The following SLC36A1 variants were observed in gnomAD, a reference collection of about 807,000 sequenced individuals.
SLC36A1 encodes solute carrier family 36 member 1, also known as proton-coupled amino acid transporter 1.
SLC36A1 carries 30 observed loss-of-function variants against 47.5 expected under a neutral mutation model. The observed-to-expected ratio is 0.63, with a 90% CI of 0.47 to 0.86. SLC36A1 has a LOEUF of 0.86. Among genes scored for constraint, SLC36A1 ranks in the 40% least tolerant of loss-of-function variants. The probability of loss-of-function intolerance (pLI) is 0.00; values close to 1 mark genes in which losing one functional copy is unlikely to be tolerated. For synonymous variants in SLC36A1, 255 were observed against 249.7 expected, an observed-to-expected ratio of 1.02 and a Z score of -0.20; for missense variants, 517 against 606.0, an observed-to-expected ratio of 0.85 and a Z score of 1.54.
intron 8 of SLC36A1, among the ~76,000 whole-genome samples, chr5:151,474,180 G>A (rs374017917): frequency 0.021 from 1,505 of 72,144 alleles, 6 homozygotes; most frequent in African/African-American, 0.1. Context: ...AAAAAAAAAA[G>A]AAATTATCTT....
At chr5:151,545,616 T>C in the SLC36A1 span, 7 of 1,614,012 alleles carry the variant, frequency 4.3e-6, no homozygotes, top group Non-Finnish European at 5.9e-6. Context: ...AGACACAGAA[T>C]TGGAAAGAGG....
chr5:151,433,758 T>C (rs757699697), upstream of SLC36A1, among the ~76,000 whole-genome samples: 24 of 152,040 alleles, frequency 1.6e-4, no homozygotes, highest in Admixed American at 3.3e-4. Flanking sequence ...CCCAGTGAAG[T>C]TGAGCTTTAA....
Position 151,464,721 on chromosome 5 carries a change from C to T in SLC36A1, c.323+119C>T, listed in dbSNP as rs375635813. The T allele has an allele frequency of 4.5e-5, 38 of 847,166 alleles. No homozygotes were observed. In the East Asian group the frequency reaches 4.7e-4, roughly 10 times the overall value. The allele number at this position is 847,166 out of a possible 1,614,324, so 52.5% of individuals were successfully genotyped here. ...AATTCTTTACACTGGCTGGAGGTAG[C>T]AGCTTATGATTGCAGCGTTTTCCTT... On this transcript the variant is annotated intron_variant, in intron 4 of 10. Transcript: ENST00000243389.
At chr5:151,382,841 G>T in the SLC36A1 span, among the ~76,000 whole-genome samples, 1 of 152,180 alleles carries the variant, frequency 6.6e-6, no homozygotes, top group Non-Finnish European at 1.5e-5. Context: ...TGTTTGAGAG[G>T]CCAAGGCCAG....
chr5:151,420,884 T>C, the SLC36A1 span, among the ~76,000 whole-genome samples: 1 of 151,764 alleles, frequency 6.6e-6, no homozygotes, highest in Non-Finnish European at 1.5e-5. Context: ...CTTTCTTTTT[T>C]TTTTTTGACA....
At chr5:151,502,499 C>T in the SLC36A1 span, among the ~76,000 whole-genome samples, 1,128 of 147,874 alleles carry the variant, frequency 7.6e-3, 207 homozygotes, top group African/African-American at 0.029. Flanking sequence ...TTAACAGCCA[C>T]GTCACTAAAG....
At chr5:151,358,276 T>C in the SLC36A1 span, among the ~76,000 whole-genome samples, 1 of 129,134 alleles carries the variant, frequency 7.7e-6, no homozygotes, top group South Asian at 2.1e-4. Flanking sequence ...TTCTTTTCTG[T>C]TTTTTTTTTG....
At chr5:151,363,953 C>G in the SLC36A1 span, among the ~76,000 whole-genome samples, 2 of 152,198 alleles carry the variant, frequency 1.3e-5, no homozygotes, top group East Asian at 3.8e-4. Context: ...GAGCTCACCA[C>G]AATGGCAACA....
chr5:151,508,021 T>G, the SLC36A1 span, among the ~76,000 whole-genome samples: 2 of 152,202 alleles, frequency 1.3e-5, no homozygotes, highest in African/African-American at 4.8e-5. Context: ...CCTGCTGTGC[T>G]TCACCAGGAG....
chr5:151,487,481 T>C (rs986523319), intron 10 of SLC36A1, among the ~76,000 whole-genome samples: 7 of 152,256 alleles, frequency 4.6e-5, no homozygotes, highest in Non-Finnish European at 1.0e-4. Context: ...CAAAATGCTC[T>C]GTGAAATGCG....
chr5:151,540,221 T>TG, the SLC36A1 span, among the ~76,000 whole-genome samples: 81 of 152,296 alleles, frequency 5.3e-4, no homozygotes, highest in Admixed American at 1.7e-3. Context: ...TATATCCCTA[T>TG]GGGGGCCAAG....
At chr5:151,500,247 C>G in the SLC36A1 span, among the ~76,000 whole-genome samples, 1 of 152,226 alleles carries the variant, frequency 6.6e-6, no homozygotes, top group Admixed American at 6.5e-5. Flanking sequence ...TCCTGTCACT[C>G]ATGAACTCTG....
the SLC36A1 span, among the ~76,000 whole-genome samples, chr5:151,391,900 G>A: frequency 6.6e-6 from 1 of 152,168 alleles, no homozygotes; most frequent in African/African-American, 2.4e-5. Context: ...TTGGTATCAA[G>A]ATGATGCTGG....
the SLC36A1 span, among the ~76,000 whole-genome samples, chr5:151,401,525 G>C: frequency 4.6e-5 from 7 of 152,076 alleles, no homozygotes; most frequent in African/African-American, 1.7e-4. Flanking sequence ...TTTGGTTCCA[G>C]ATGAATTTCA....
the SLC36A1 span, among the ~76,000 whole-genome samples, chr5:151,400,012 A>T: frequency 6.6e-6 from 1 of 152,098 alleles, no homozygotes; most frequent in Admixed American, 6.6e-5. Flanking sequence ...TATTTATTTA[A>T]TTTCCAACTT....
At chr5:151,442,078 A>G (rs1752662784) in intron 1 of SLC36A1, among the ~76,000 whole-genome samples, 1 of 134,562 alleles carries the variant, frequency 7.4e-6, no homozygotes, top group Non-Finnish European at 1.5e-5. Flanking sequence ...TTATCCATGT[A>G]TAATTATTTT....
At chr5:151,410,988 G>T in the SLC36A1 span, among the ~76,000 whole-genome samples, 1 of 144,532 alleles carries the variant, frequency 6.9e-6, no homozygotes, top group Non-Finnish European at 1.5e-5. Flanking sequence ...AAGAACCACT[G>T]GTCTAAAGTC....
At chr5:151,437,543 T>C (rs1759841553) in intron 1 of SLC36A1, among the ~76,000 whole-genome samples, 1 of 152,160 alleles carries the variant, frequency 6.6e-6, no homozygotes, top group Admixed American at 6.5e-5. Context: ...GTTCTTCATT[T>C]CTCTATACAA....
intron 10 of SLC36A1, among the ~76,000 whole-genome samples, chr5:151,480,725 C>G (rs534950318): frequency 1.3e-5 from 2 of 152,246 alleles, no homozygotes; most frequent in African/African-American, 4.8e-5. Context: ...TGCTTTGATT[C>G]CAAAGTGTAT....
Sources: gnomAD v4.1 joint callset for allele counts (sites outside exome capture counted in the v4.1 genomes callset) on GRCh38, gnomAD v4.1.1 for gene constraint, MANE v1.5 for transcripts, NCBI Gene and HGNC (gene_info 2026-07-23, HGNC 2026-07-21) for gene names.